SYNE1: variants seen among roughly 807,000 people sequenced by gnomAD.
The protein encoded by SYNE1 is nesprin-1.
In SYNE1, 616 loss-of-function variants were observed where a neutral mutation model predicts 1,111.0. That is an observed-to-expected ratio of 0.55 (90% CI 0.52 to 0.59). The LOEUF is 0.59. SYNE1 is among the 20% of genes least tolerant of loss of function. The probability of loss-of-function intolerance (pLI) is 0.00; values close to 1 mark genes in which losing one functional copy is unlikely to be tolerated. For missense variants in SYNE1, 10,006 were observed against 10,417.0 expected, an observed-to-expected ratio of 0.96 and a Z score of 1.72; for synonymous variants, 3,855 against 3,825.8, an observed-to-expected ratio of 1.01 and a Z score of -0.28.
chr6:152,192,586 C>T (rs2072830112), intron 127 of SYNE1, among the ~76,000 whole-genome samples: 1 of 152,096 alleles, frequency 6.6e-6, no homozygotes, highest in Admixed American at 6.6e-5. Context: ...ATTCTCCCAC[C>T]TCAGCCTCTC....
At chr6:152,510,005 G>A (rs1341281746) in intron 8 of SYNE1, among the ~76,000 whole-genome samples, 188 bp downstream of exon 8, 1 of 152,130 alleles carries the variant, frequency 6.6e-6, no homozygotes, top group African/African-American at 2.4e-5. Context: ...TTTTTTAAGA[G>A]CATTTTCCTA....
intron 130 of SYNE1, among the ~76,000 whole-genome samples, chr6:152,165,794 A>G (rs150528788): frequency 3.3e-4 from 51 of 152,346 alleles, no homozygotes; most frequent in African/African-American, 1.2e-3. Context: ...CTCATGGCTA[A>G]GACAAAATTC....
chr6:152,579,480 C>A (rs2099512066), intron 3 of SYNE1, among the ~76,000 whole-genome samples: 1 of 152,192 alleles, frequency 6.6e-6, no homozygotes, highest in Non-Finnish European at 1.5e-5. Context: ...CAGCCACCAG[C>A]ATTTTCTTTT....
rs1043253243 is a variant in SYNE1 at position 152,628,405 on chromosome 6, A to C, written c.-74T>G. On this transcript the variant is annotated 5_prime_UTR_variant, in exon 3 of 146. Transcript: ENST00000367255. ...GCAGCACAGGGCTACACCACTCTAG[A>C]AAACATGCTTGGACTTTTCTAGATC... is the stretch of plus-strand genomic sequence containing the variant. 1 of 1,460,734 alleles carries C rather than the reference A, an allele frequency of 6.8e-7. No homozygotes were observed. The highest frequency in any genetic ancestry group is 1.4e-5 in the African/African-American group (1 of 71,790). The allele number at this position is 1,460,734 out of a possible 1,614,324, so 90.5% of individuals were successfully genotyped here.
chr6:152,293,536 C>A (rs2094711503), intron 95 of SYNE1, 52 bp downstream of exon 95: 2 of 1,607,542 alleles, frequency 1.2e-6, no homozygotes, highest in East Asian at 4.5e-5. Flanking sequence ...CAACCAGTCA[C>A]AACAGTGCCT....
At chr6:152,485,299 G>A (rs2098933343) in intron 12 of SYNE1, among the ~76,000 whole-genome samples, 1 of 152,186 alleles carries the variant, frequency 6.6e-6, no homozygotes, top group African/African-American at 2.4e-5. Flanking sequence ...CTCATTTCTA[G>A]TAAAGTAATT....
intron 97 of SYNE1, 119 bp from the exon 98 acceptor site, chr6:152,278,399 T>G (rs2093789433): frequency 3.3e-6 from 4 of 1,211,028 alleles, no homozygotes; most frequent in Admixed American, 1.7e-5. Flanking sequence ...CTTTCATGAT[T>G]TTTTGTAGTT....
At chr6:152,472,717 T>C in intron 14 of SYNE1, 1 of 674,122 alleles carries the variant, frequency 1.5e-6, no homozygotes. Flanking sequence ...ATGTAATTAC[T>C]GCTATGAAAT....
At chr6:152,479,849 A>G (rs929555118) in intron 14 of SYNE1, among the ~76,000 whole-genome samples, 3 of 152,364 alleles carry the variant, frequency 2.0e-5, no homozygotes, top group Non-Finnish European at 2.9e-5. Flanking sequence ...AACCACTGGC[A>G]GAACCATTCA....
At chr6:152,447,338 A>C (rs2098601677) in intron 29 of SYNE1, 120 bp downstream of exon 29, 4 of 1,143,466 alleles carry the variant, frequency 3.5e-6, no homozygotes. Flanking sequence ...GCATAACAAC[A>C]ATTCTGTTTC....
At chr6:152,392,825 C>T (rs1438925499) in intron 51 of SYNE1, among the ~76,000 whole-genome samples, 2 of 152,176 alleles carry the variant, frequency 1.3e-5, no homozygotes, top group East Asian at 1.9e-4. Flanking sequence ...TCCCTTCTTA[C>T]TATGAGATAA....
chr6:152,282,186 C>T lies in SYNE1; in HGVS notation c.18208-206G>A, dbSNP rs2094071120. 10 of 606,056 alleles carry T rather than the reference C, an allele frequency of 1.7e-5. No homozygotes were observed. In the South Asian group the frequency reaches 1.8e-4, roughly 11 times the overall value. The allele number at this position is 606,056 out of a possible 1,614,324, so 37.5% of individuals were successfully genotyped here. On this transcript the variant is annotated intron_variant, in intron 96 of 145. Transcript: ENST00000367255. ...CAAAATTGGTATTTTTAAAAAGACT[C>T]CCTAGTGATTTTAATGTGTACCTAG...
chr6:152,340,716 A>G (rs1348126637), intron 74 of SYNE1, among the ~76,000 whole-genome samples: 1 of 152,230 alleles, frequency 6.6e-6, no homozygotes, highest in African/African-American at 2.4e-5. Flanking sequence ...CGTGGTAAGA[A>G]AGTTGGAATT....
intron 66 of SYNE1, 126 bp from the exon 67 acceptor site, chr6:152,355,102 T>A: frequency 3.0e-6 from 3 of 1,014,404 alleles, no homozygotes; most frequent in Non-Finnish European, 4.5e-6. Context: ...TTTATTATTA[T>A]GCCCTATACA....
At chr6:152,178,910 C>CT (rs750037655) in intron 129 of SYNE1, among the ~76,000 whole-genome samples, 9,915 of 115,594 alleles carry the variant, frequency 0.086, 1,235 homozygotes, top group African/African-American at 0.28. Flanking sequence ...TCACCCAATT[C>CT]TTTTTTTTTT....
In SYNE1 at chr6:152,456,555, A is replaced by G. The variant is rs2098697661; in HGVS notation, c.2569-511T>C. 4.5e-5 allele frequency: 11 copies of G among 242,212 alleles called. 1 individual carries two copies. In the South Asian group the frequency reaches 5.5e-4, roughly 12 times the overall value. The allele number at this position is 242,212 out of a possible 1,614,324, so 15.0% of individuals were successfully genotyped here. On this transcript the variant is annotated intron_variant, in intron 22 of 145. Transcript: ENST00000367255. ...TGAAGGTGTACAACCTATCAGCCTT[A>G]TTAATGAAATGGTAGGGTTCAGATC... is the stretch of plus-strand genomic sequence containing the variant.
intron 81 of SYNE1, 74 bp downstream of exon 81, chr6:152,325,010 G>A: frequency 6.5e-7 from 1 of 1,549,584 alleles, no homozygotes; most frequent in Admixed American, 1.7e-5. Flanking sequence ...TCAAAAAGGG[G>A]CAAAATACTG....
chr6:152,174,130 AAAT>A (rs2065842652), intron 130 of SYNE1, among the ~76,000 whole-genome samples: 1 of 152,206 alleles, frequency 6.6e-6, no homozygotes, highest in Non-Finnish European at 1.5e-5. Context: ...AAAAGTAGGA[AAAT>A]AATATTAACT....
Position 152,301,980 on chromosome 6 carries a change from C to A in SYNE1, c.17430G>T (p.Lys5810Asn). 6.2e-7 allele frequency: 1 copy of A among 1,614,230 alleles called. No individual in the cohort carries two copies. The highest frequency in any genetic ancestry group is 8.5e-7 in the Non-Finnish European group (1 of 1,180,040). ...SKCKMLTMKA[K>N]HATMLLTVTE... ...TCACCGTCAGCAGCATGGTGGCGTG[C>A]TTGGCTTTCATCGTCAGCATCTTGC... Residue 5810 changes from lysine to asparagine, a missense_variant, in exon 92 of 146, where the codon AAG becomes AAT. Physicochemically the swap from Lys to Asn is moderately conservative, Grantham distance 94. Transcript: ENST00000367255.
Sources: gnomAD v4.1 joint callset for allele counts (sites outside exome capture counted in the v4.1 genomes callset) on GRCh38, gnomAD v4.1.1 for gene constraint, MANE v1.5 for transcripts, NCBI Gene and HGNC (gene_info 2026-07-23, HGNC 2026-07-21) for gene names.